Variants in EBF1 observed in about 807,000 individuals in gnomAD.
EBF1 encodes transcription factor COE1.
In EBF1, 10 loss-of-function variants were observed where a neutral mutation model predicts 68.4. The observed-to-expected ratio is 0.15, with a 90% CI of 0.09 to 0.25. The LOEUF is 0.25. Among genes scored for constraint, EBF1 ranks in the 10% least tolerant of loss-of-function variants. EBF1 has a pLI of 1.00. For missense variants in EBF1, 509 were observed against 794.4 expected, an observed-to-expected ratio of 0.64 and a Z score of 4.32; for synonymous variants, 298 against 299.8, an observed-to-expected ratio of 0.99 and a Z score of 0.06.
At chr5:158,857,998 G>C (rs962801347) in intron 6 of EBF1, among the ~76,000 whole-genome samples, 1 of 152,086 alleles carries the variant, frequency 6.6e-6, no homozygotes, top group Admixed American at 6.6e-5. Flanking sequence ...CTGCAGAAAT[G>C]TGTTAAAACT....
chr5:158,703,291 A>G (rs188218236), intron 15 of EBF1, among the ~76,000 whole-genome samples: 1 of 152,372 alleles, frequency 6.6e-6, no homozygotes, highest in East Asian at 1.9e-4. Context: ...CTTCACCTGC[A>G]TAAGAATAGA....
intron 6 of EBF1, among the ~76,000 whole-genome samples, chr5:158,975,973 G>T (rs1469288522): frequency 1.3e-5 from 2 of 152,166 alleles, no homozygotes. Context: ...ATGAAACGAG[G>T]TGATTTCCTT....
At chr5:158,777,035 C>G (rs192735395) in intron 10 of EBF1, among the ~76,000 whole-genome samples, 2 of 152,294 alleles carry the variant, frequency 1.3e-5, no homozygotes, top group African/African-American at 4.8e-5. Flanking sequence ...GTGCCGTGAA[C>G]AGGCTAGAGG....
chr5:158,969,985 C>A (rs993205260), intron 6 of EBF1, among the ~76,000 whole-genome samples: 3 of 151,114 alleles, frequency 2.0e-5, no homozygotes, highest in African/African-American at 7.3e-5. Context: ...TGGAAACACA[C>A]CCCAAACAAA....
chr5:159,062,386 G>A (rs754058611), intron 6 of EBF1, among the ~76,000 whole-genome samples: 15 of 152,048 alleles, frequency 9.9e-5, no homozygotes, highest in Non-Finnish European at 1.8e-4. Flanking sequence ...CCTTGGAGAA[G>A]GCTGGGGAAA....
At chr5:159,050,211 CCTCT>C (rs140303726) in intron 6 of EBF1, among the ~76,000 whole-genome samples, 6 of 140,994 alleles carry the variant, frequency 4.3e-5, no homozygotes, top group African/African-American at 1.6e-4. Context: ...TCCTCTCCTC[CCTCT>C]CTCTCTCCTC....
intron 2 of EBF1, 78 bp from the exon 3 acceptor site, chr5:159,096,484 C>A (rs1372029789): frequency 1.2e-5 from 18 of 1,523,566 alleles, no homozygotes; most frequent in Non-Finnish European, 1.5e-5. Context: ...ACTTTCGAGG[C>A]AACTTTCCCC....
intron 6 of EBF1, among the ~76,000 whole-genome samples, chr5:159,022,820 CAG>C (rs752417509): frequency 1.3e-5 from 2 of 150,042 alleles, no homozygotes; most frequent in African/African-American, 2.5e-5. Flanking sequence ...GACAGATGGA[CAG>C]AGAGGAAAAA....
chr5:158,856,097 G>C (rs1179145530), intron 6 of EBF1, among the ~76,000 whole-genome samples: 1 of 152,196 alleles, frequency 6.6e-6, no homozygotes, highest in Non-Finnish European at 1.5e-5. Flanking sequence ...CTACAACAGA[G>C]ATCCTTAATT....
intron 6 of EBF1, among the ~76,000 whole-genome samples, chr5:158,974,515 C>T (rs552013548): frequency 3.3e-5 from 5 of 152,208 alleles, no homozygotes; most frequent in South Asian, 2.1e-4. Context: ...TACACGGCTT[C>T]GAGATGGAGT....
chr5:158,875,838 T>C lies in EBF1; in HGVS notation c.555-35728A>G, dbSNP rs540094577. On this transcript the variant is annotated intron_variant, in intron 6 of 15. Coordinates refer to ENST00000313708, the MANE Select transcript of EBF1 (RefSeq NM_024007.5). ...ATCCATGTGGTTACACAAAACACCA[T>C]TGTTTTCCTAAAGTCAATTTTAGCA... Among the ~76,000 whole-genome samples the C allele has an allele frequency of 5.3e-5, 8 of 152,380 alleles. No individual in the cohort carries two copies. In the South Asian group the frequency reaches 6.2e-4, roughly 12 times the overall value.
chr5:158,794,744 C>CTGGGACAG (rs1287610894), intron 9 of EBF1, among the ~76,000 whole-genome samples: 1 of 152,152 alleles, frequency 6.6e-6, no homozygotes, highest in Non-Finnish European at 1.5e-5. Context: ...CCCACAAGAC[C>CTGGGACAG]TGGGACAGTC....
At chr5:158,890,234 C>T (rs1800911184) in intron 6 of EBF1, among the ~76,000 whole-genome samples, 1 of 152,190 alleles carries the variant, frequency 6.6e-6, no homozygotes, top group Non-Finnish European at 1.5e-5. Context: ...AAATGTTACA[C>T]TTACTTAATT....
At chr5:159,051,427 G>A (rs1308211883) in intron 6 of EBF1, among the ~76,000 whole-genome samples, 1 of 58,346 alleles carries the variant, frequency 1.7e-5, no homozygotes, top group African/African-American at 6.5e-5. Context: ...CCCCGCTCCC[G>A]CAGCCCCCCA....
chr5:159,081,641 C>G (rs1779757269), intron 5 of EBF1, among the ~76,000 whole-genome samples: 1 of 152,150 alleles, frequency 6.6e-6, no homozygotes, highest in Admixed American at 6.5e-5. Context: ...AAAGGGAACT[C>G]AAGGGAGCCC....
chr5:158,847,529 G>A (rs576617531), intron 6 of EBF1, among the ~76,000 whole-genome samples: 2 of 152,302 alleles, frequency 1.3e-5, no homozygotes, highest in South Asian at 4.1e-4. Flanking sequence ...AGCAATGTCT[G>A]ACTGGAAATT....
At chr5:158,725,694 G>T (rs1407017892) in intron 11 of EBF1, among the ~76,000 whole-genome samples, 1 of 152,214 alleles carries the variant, frequency 6.6e-6, no homozygotes, top group Non-Finnish European at 1.5e-5. Flanking sequence ...TATGGTGAGA[G>T]AAAATGCACT....
chr5:158,760,529 A>G (rs1272903816), intron 10 of EBF1, among the ~76,000 whole-genome samples: 1 of 152,168 alleles, frequency 6.6e-6, no homozygotes, highest in Non-Finnish European at 1.5e-5. Context: ...CTTTAAGGCA[A>G]TATAGATTTC....
At chr5:158,839,785 C>A (rs887403292) in intron 7 of EBF1, among the ~76,000 whole-genome samples, 2 of 152,142 alleles carry the variant, frequency 1.3e-5, no homozygotes, top group Admixed American at 1.3e-4. Context: ...GCAAGTGAGT[C>A]CACTCAGGCA....
Sources: gnomAD v4.1 joint callset for allele counts (sites outside exome capture counted in the v4.1 genomes callset) on GRCh38, gnomAD v4.1.1 for gene constraint, MANE v1.5 for transcripts, NCBI Gene and HGNC (gene_info 2026-07-23, HGNC 2026-07-21) for gene names.